LIG3: variants seen among roughly 807,000 people sequenced by gnomAD.
LIG3 encodes DNA ligase 3.
Under a neutral mutation model 110.9 loss-of-function variants are expected in LIG3, and 58 were observed. The ratio of observed to expected loss-of-function variants is 0.52; its 90% CI spans 0.42 to 0.65. The LOEUF is 0.65. Among genes scored for constraint, LIG3 ranks in the 30% least tolerant of loss-of-function variants. The pLI, the probability that LIG3 is intolerant of heterozygous loss-of-function variation, is 0.00. For synonymous variants in LIG3, 422 were observed against 472.8 expected (o/e 0.89, Z 1.39); for missense variants, 1,094 against 1,273.8 (o/e 0.86, Z 2.15).
rs1247294540 is a variant in LIG3, at chr17:35,009,548, G to A, written c.*5042G>A. ...TAAATATTAACTGGAATGGGATCTT[G>A]GAACTCCCAACTTTAATTTGGTGTA... On this transcript the variant is annotated 3_prime_UTR_variant, in exon 20 of 20. Coordinates refer to ENST00000378526, the MANE Select transcript of LIG3 (RefSeq NM_013975.4). The A allele has an allele frequency of 6.6e-6, 1 of 151,472 alleles. No individual in the cohort carries two copies. The highest frequency in any genetic ancestry group is 2.4e-5 in the African/African-American group (1 of 41,148). The allele number at this position is 151,472 out of a possible 1,614,324, so 9.4% of individuals were successfully genotyped here. A position where few individuals can be genotyped will look rare whatever the true frequency, so the allele number is the denominator to read the frequency against.
Position 34,983,280 on chromosome 17 carries a change from G to C in LIG3, c.275G>C (p.Arg92Pro). 6.2e-7 allele frequency: 1 copy of C among 1,614,206 alleles called. No individual in the cohort carries two copies. Among genetic ancestry groups the C allele is most frequent in the Non-Finnish European group, 8.5e-7 (1 of 1,180,038 alleles). The change falls in exon 2 of 20, where the codon CGG becomes CCG. Residue 92 changes from arginine to proline, a missense_variant. Transcript: ENST00000378526. The part of the protein sequence containing the change: ...CSGPCEMAEQ[R>P]FCVDYAKRGT... ...GGCCCCTGTGAGATGGCTGAGCAAC[G>C]GTTCTGTGTGGACTATGCCAAGCGT...
At position 34,994,459 on chromosome 17, in the gene LIG3, C is replaced by T. The variant is rs111261408; in HGVS notation, c.1611+28C>T. On this transcript the variant is annotated intron_variant, in intron 9 of 19. Transcript: ENST00000378526. ...ATGAGTGCCTTCCTTTCTGCCAGGA[C>T]CGTCTTTCCCCTTTCTGCCTCTAAC... 27 of 1,603,574 alleles carry T rather than the reference C, an allele frequency of 1.7e-5. No individual in the cohort carries two copies. In the African/African-American group the frequency reaches 2.7e-4, roughly 16 times the overall value.
Position 35,009,690 on chromosome 17 carries a change from G to A in LIG3, c.*5184G>A, listed in dbSNP as rs1407769186. On this transcript the variant is annotated 3_prime_UTR_variant, in exon 20 of 20. Coordinates refer to ENST00000378526, the MANE Select transcript of LIG3 (RefSeq NM_013975.4). ...AAGGCAAAATGAGTAAACAACCTCA[G>A]TTTTAATTCTTACTGAGGTTACTAA... The A allele has an allele frequency of 6.6e-6, 1 of 152,076 alleles. No individual in the cohort carries two copies. The highest frequency in any genetic ancestry group is 1.5e-5 in the Non-Finnish European group (1 of 68,022). The allele number at this position is 152,076 out of a possible 1,614,324, so 9.4% of individuals were successfully genotyped here. A position where few individuals can be genotyped will look rare whatever the true frequency, so the allele number is the denominator to read the frequency against.
intron 4 of LIG3, among the ~76,000 whole-genome samples, chr17:34,990,715 TCTC>T (rs1195957945): frequency 6.6e-6 from 1 of 152,080 alleles, no homozygotes; most frequent in East Asian, 1.9e-4. Flanking sequence ...CCTCCTGTCT[TCTC>T]CTGCAAGTAG....
At chr17:35,003,329 C>T (rs557920807) in intron 19 of LIG3, 103 of 486,228 alleles carry the variant, frequency 2.1e-4, no homozygotes, top group African/African-American at 1.5e-3. Flanking sequence ...AGATAAGTCT[C>T]GCTCTGTTGC....
intron 5 of LIG3, 136 bp downstream of exon 5, chr17:34,991,250 C>A: frequency 1.3e-6 from 1 of 787,438 alleles, no homozygotes; most frequent in Non-Finnish European, 2.0e-6. Flanking sequence ...AGCAAGCTTC[C>A]GTTATAGGGG....
rs202099900 is a variant in LIG3, at chr17:35,001,433, T to A, written c.2478+30T>A. Reference sequence around the variant, plus strand: ...CAGCTCTTAGGCTGTATATGTATTCTCCACCCCACTGTCCAGGCCTTGGAG... The same window carrying A: ...CAGCTCTTAGGCTGTATATGTATTCACCACCCCACTGTCCAGGCCTTGGAG... On this transcript the variant is annotated intron_variant, in intron 17 of 19. Coordinates refer to ENST00000378526, the MANE Select transcript of LIG3 (RefSeq NM_013975.4). 2.4e-4 allele frequency: 393 copies of A among 1,606,936 alleles called. 3 individuals are homozygous for A. The East Asian group carries it at 6.4e-3, about 26-fold the overall frequency.
chr17:34,990,591 TTTTA>T (rs753776286), intron 4 of LIG3, among the ~76,000 whole-genome samples: 6 of 151,728 alleles, frequency 4.0e-5, no homozygotes, highest in Non-Finnish European at 8.8e-5. Flanking sequence ...GAGTTTATTT[TTTTA>T]TTTATTTTTG....
Position 35,002,060 on chromosome 17 carries a change from C to G in LIG3, c.2630C>G (p.Thr877Ser). The G allele has an allele frequency of 1.3e-6, 2 of 1,597,046 alleles. No homozygotes were observed. Among genetic ancestry groups the G allele is most frequent in the Non-Finnish European group, 1.7e-6 (2 of 1,173,602 alleles). Residue 877 changes from threonine (T) to serine (S), a missense_variant, in exon 18 of 20, where the codon ACC (threonine) becomes AGC (serine). Thr to Ser is a moderately conservative substitution (Grantham distance 58). Transcript: ENST00000378526. ...RKAPSKPSAS[T>S]KKAEGKLSNS... ...GCCCCCAGCAAGCCCTCAGCCAGTA[C>G]CAAGAAAGCAGAAGGGAAGCTGAGT...
At chr17:35,002,599 A>G in intron 18 of LIG3, 69 bp from the exon 19 acceptor site, 1 of 1,537,050 alleles carries the variant, frequency 6.5e-7, no homozygotes, top group Non-Finnish European at 8.8e-7. Flanking sequence ...CCTGAGTTGA[A>G]TTGATCCTCC....
At chr17:35,001,487 C>T (rs750153132) in intron 17 of LIG3, 84 bp downstream of exon 17, 5 of 1,355,618 alleles carry the variant, frequency 3.7e-6, no homozygotes, top group Non-Finnish European at 5.2e-6. Flanking sequence ...TTCACATGTC[C>T]TCTGTCTTCT....
At chr17:34,999,010 C>T in intron 14 of LIG3, 1 of 504,816 alleles carries the variant, frequency 2.0e-6, no homozygotes, top group Non-Finnish European at 3.5e-6. Flanking sequence ...AAATCTCTTT[C>T]CTGACTGGAA....
At chr17:34,991,887 T>C in intron 6 of LIG3, 50 bp downstream of exon 6, 1 of 1,613,718 alleles carries the variant, frequency 6.2e-7, no homozygotes. Flanking sequence ...ATGAACTCTC[T>C]TGGGAAGGGA....
chr17:34,999,867 A>G lies in LIG3; in HGVS notation c.2331+11A>G. ...GTCCCAGACCCAAAGGTATCAACCCAGTGGCTTGGGGGCCTCCAGCTCATA... is the reference window on the plus strand; with the variant it reads ...GTCCCAGACCCAAAGGTATCAACCCGGTGGCTTGGGGGCCTCCAGCTCATA... On this transcript the variant is annotated intron_variant, in intron 16 of 19. Transcript: ENST00000378526. 5 of 1,610,168 alleles carry G rather than the reference A, an allele frequency of 3.1e-6. No homozygotes were observed. Among genetic ancestry groups the G allele is most frequent in the Non-Finnish European group, 4.3e-6 (5 of 1,176,406 alleles).
intron 19 of LIG3, 39 bp from the exon 20 acceptor site, chr17:35,004,234 T>C (rs1268774863): frequency 6.7e-7 from 1 of 1,494,338 alleles, no homozygotes. Flanking sequence ...CTGTACCCAG[T>C]GTAGGTCTGA....
chr17:34,993,760 A>G (rs773488144), intron 8 of LIG3, among the ~76,000 whole-genome samples: 14 of 152,164 alleles, frequency 9.2e-5, no homozygotes, highest in Non-Finnish European at 1.6e-4. Flanking sequence ...CCAAAATGGT[A>G]GCTATTGTTG....
In LIG3 at chr17:34,996,107, G is replaced by C. The variant is rs1567691233; in HGVS notation, c.1655G>C (p.Gly552Ala). 6.2e-7 allele frequency: 1 copy of C among 1,614,124 alleles called. No individual in the cohort carries two copies. Among genetic ancestry groups the C allele is most frequent in the Non-Finnish European group, 8.5e-7 (1 of 1,179,984 alleles). Residue 552 changes from glycine to alanine, a missense_variant, in exon 10 of 20, where the codon GGC becomes GCC. Gly to Ala is a moderately conservative substitution (Grantham distance 60). Coordinates refer to ENST00000378526, the MANE Select transcript of LIG3 (RefSeq NM_013975.4). ...TACATTCCCCAGGCTTTTCCTGGGG[G>C]CCACAGCATGATCTTGGATTCTGAA... The part of the protein sequence containing the change: ...KDYIPQAFPG[G>A]HSMILDSEVL...
At chr17:34,995,647 C>A (rs2090769857) in intron 9 of LIG3, among the ~76,000 whole-genome samples, 1 of 152,174 alleles carries the variant, frequency 6.6e-6, no homozygotes, top group Admixed American at 6.5e-5. Context: ...TGAGGGAGTT[C>A]ATTTCTACCT....
rs566602314 is a variant in LIG3, at chr17:34,983,231, G to T, written c.226G>T (p.Gly76Trp). ...SRATYLVFLP[G>W]LHVGLCSGPC... ...TGCCACCTACCTTGTTTTCTTGCCA[G>T]GGTTGCATGTGGGACTCTGCAGTGG... Residue 76 changes from glycine to tryptophan, a missense_variant, in exon 2 of 20, where the codon GGG (glycine) becomes TGG (tryptophan). Physicochemically the swap from Gly to Trp is radical, Grantham distance 184. Coordinates refer to ENST00000378526, the MANE Select transcript of LIG3 (RefSeq NM_013975.4). 1.9e-6 allele frequency: 3 copies of T among 1,614,074 alleles called. No homozygotes were observed. Among genetic ancestry groups the T allele is most frequent in the South Asian group, 1.1e-5 (1 of 91,088 alleles).
Sources: gnomAD v4.1 joint callset for allele counts (sites outside exome capture counted in the v4.1 genomes callset) on GRCh38, gnomAD v4.1.1 for gene constraint, MANE v1.5 for transcripts, NCBI Gene and HGNC (gene_info 2026-07-23, HGNC 2026-07-21) for gene names.